Variants in SLC9A9 observed in about 807,000 individuals in gnomAD.
SLC9A9 encodes the protein sodium/hydrogen exchanger 9.
Under a neutral mutation model 77.8 loss-of-function variants are expected in SLC9A9, and 62 were observed. The ratio of observed to expected loss-of-function variants is 0.80; its 90% confidence interval spans 0.65 to 0.98. The LOEUF (loss-of-function observed/expected upper bound fraction) is 0.98, where lower values mean the gene tolerates loss of function less well. SLC9A9 is among the 50% of genes least tolerant of loss of function. The pLI, the probability that SLC9A9 is intolerant of heterozygous loss-of-function variation, is 0.00. For missense variants in SLC9A9, 775 were observed against 774.9 expected (o/e 1.00, Z 0.00); for synonymous variants, 320 against 283.5 (o/e 1.13, Z -1.29).
chr3:143,528,968 G>A (rs530496940), intron 9 of SLC9A9, among the ~76,000 whole-genome samples: 12 of 152,298 alleles, frequency 7.9e-5, no homozygotes, highest in East Asian at 5.8e-4. Flanking sequence ...GCCATCAAGA[G>A]CATTAACTCT....
chr3:143,306,609 G>A (rs187076328), intron 14 of SLC9A9, among the ~76,000 whole-genome samples: 9 of 152,278 alleles, frequency 5.9e-5, no homozygotes, highest in Admixed American at 5.9e-4. Context: ...CATGACACAA[G>A]CTCAATAAAT....
chr3:143,741,504 T>C (rs1935071839), intron 4 of SLC9A9, among the ~76,000 whole-genome samples: 1 of 152,220 alleles, frequency 6.6e-6, no homozygotes, highest in African/African-American at 2.4e-5. Context: ...AAGATGTTTC[T>C]TAAATGCAGA....
intron 13 of SLC9A9, among the ~76,000 whole-genome samples, chr3:143,378,773 C>T (rs1447719153): frequency 6.6e-6 from 1 of 152,178 alleles, no homozygotes; most frequent in Non-Finnish European, 1.5e-5. Flanking sequence ...GCAGTATCTT[C>T]CAGTTCTCAA....
intron 4 of SLC9A9, among the ~76,000 whole-genome samples, chr3:143,791,876 T>C (rs1323052787): frequency 6.6e-6 from 1 of 152,234 alleles, no homozygotes; most frequent in Non-Finnish European, 1.5e-5. Flanking sequence ...CTATGAGAAC[T>C]CCTACTGGGA....
chr3:143,541,722 A>G (rs1343044631), intron 9 of SLC9A9, among the ~76,000 whole-genome samples: 1 of 152,174 alleles, frequency 6.6e-6, no homozygotes, highest in Non-Finnish European at 1.5e-5. Context: ...GTTTCCTCCA[A>G]TAAAATTCTG....
intron 12 of SLC9A9, 57 bp downstream of exon 12, chr3:143,466,980 A>T: frequency 6.3e-7 from 1 of 1,585,508 alleles, no homozygotes; most frequent in Non-Finnish European, 8.6e-7. Context: ...AATACCAGAA[A>T]TTGAACAGCG....
At chr3:143,615,436 A>T (rs980859993) in intron 6 of SLC9A9, among the ~76,000 whole-genome samples, 2 of 152,200 alleles carry the variant, frequency 1.3e-5, no homozygotes, top group Admixed American at 6.5e-5. Context: ...GGCAGTAATC[A>T]TTTGGCCCAG....
At chr3:143,606,977 T>G (rs2037938957) in intron 6 of SLC9A9, among the ~76,000 whole-genome samples, 1 of 97,022 alleles carries the variant, frequency 1.0e-5, no homozygotes, top group Non-Finnish European at 2.1e-5. Flanking sequence ...GTAGTAAAAC[T>G]GTACAAAATA....
chr3:143,483,333 TC>T (rs1315810769), intron 11 of SLC9A9, among the ~76,000 whole-genome samples: 1 of 152,150 alleles, frequency 6.6e-6, no homozygotes, highest in Admixed American at 6.5e-5. Flanking sequence ...AGTAGGGTCA[TC>T]CATGAACAAT....
intron 4 of SLC9A9, among the ~76,000 whole-genome samples, chr3:143,776,762 G>A (rs2007705121): frequency 6.6e-6 from 1 of 152,140 alleles, no homozygotes; most frequent in Non-Finnish European, 1.5e-5. Context: ...TCAACCATAA[G>A]TAATGTTCTA....
chr3:143,636,600 A>AT (rs1370048135), intron 6 of SLC9A9, among the ~76,000 whole-genome samples: 1 of 152,100 alleles, frequency 6.6e-6, no homozygotes, highest in Admixed American at 6.5e-5. Flanking sequence ...CTAATAGGTA[A>AT]TTTTTCAGCC....
chr3:143,340,426 C>T (rs2032060171), intron 14 of SLC9A9, among the ~76,000 whole-genome samples: 1 of 152,174 alleles, frequency 6.6e-6, no homozygotes, highest in South Asian at 2.1e-4. Context: ...AGAACACCTG[C>T]TTTGTGCCAG....
chr3:143,762,549 G>A (rs2007168729), intron 4 of SLC9A9, among the ~76,000 whole-genome samples: 1 of 152,126 alleles, frequency 6.6e-6, no homozygotes, highest in Admixed American at 6.6e-5. Flanking sequence ...TTTTAGTAGT[G>A]TGGTGATCAC....
rs529139869 is a variant in SLC9A9 at position 143,725,328 on chromosome 3, C to T, written c.534-32021G>A. Among the ~76,000 whole-genome samples, 13 of 151,978 alleles carry T rather than the reference C, an allele frequency of 8.6e-5. No homozygotes were observed. The East Asian group carries it at 1.4e-3, about 16-fold the overall frequency. ...TCAACCATTGTGGAAGTCAGTGTGG[C>T]GATTCCTCAGGGATCTAGAACTAGA... On this transcript the variant is annotated intron_variant, in intron 4 of 15. Transcript: ENST00000316549.
chr3:143,645,888 A>G (rs2038699007), intron 6 of SLC9A9, among the ~76,000 whole-genome samples: 1 of 152,088 alleles, frequency 6.6e-6, no homozygotes, highest in Admixed American at 6.6e-5. Context: ...GTTTAATGAG[A>G]TACTTATTTT....
chr3:143,587,477 G>A (rs900261160), intron 6 of SLC9A9, among the ~76,000 whole-genome samples: 7 of 152,226 alleles, frequency 4.6e-5, no homozygotes, highest in Non-Finnish European at 7.3e-5. Flanking sequence ...TCTAGGCACC[G>A]AAGCAAAGCT....
intron 9 of SLC9A9, among the ~76,000 whole-genome samples, chr3:143,507,910 T>C (rs1246643042): frequency 2.0e-5 from 3 of 152,118 alleles, no homozygotes; most frequent in Non-Finnish European, 4.4e-5. Context: ...GCAAGCAAGC[T>C]CTCACGTCTC....
chr3:143,383,809 A>G (rs1039943577), intron 12 of SLC9A9, among the ~76,000 whole-genome samples: 4 of 152,136 alleles, frequency 2.6e-5, no homozygotes, highest in Non-Finnish European at 5.9e-5. Context: ...ACACCTCCCT[A>G]ATTATCTCCC....
intron 1 of SLC9A9, among the ~76,000 whole-genome samples, chr3:143,843,144 C>T (rs2009747736): frequency 6.6e-6 from 1 of 152,020 alleles, no homozygotes; most frequent in Non-Finnish European, 1.5e-5. Flanking sequence ...TAAGTAGAGC[C>T]TTGGAAGGAC....
Sources: allele counts gnomAD v4.1 joint callset (sites outside exome capture counted in the v4.1 genomes callset), GRCh38; gene constraint gnomAD v4.1.1; transcripts MANE v1.5; gene names NCBI Gene and HGNC (gene_info 2026-07-23, HGNC 2026-07-21).